The following CNTN3 variants were observed in gnomAD, a reference collection of about 807,000 sequenced individuals.
CNTN3 encodes contactin 3, also known as contactin-3.
Under a neutral mutation model 119.1 loss-of-function variants are expected in CNTN3, and 60 were observed. That is an observed-to-expected ratio of 0.50 (90% CI 0.41 to 0.62). CNTN3 has a LOEUF of 0.62. Among genes scored for constraint, CNTN3 ranks in the 20% least tolerant of loss-of-function variants. The probability of loss-of-function intolerance (pLI) is 0.00; values close to 1 mark genes in which losing one functional copy is unlikely to be tolerated. For synonymous variants in CNTN3, 450 were observed against 438.7 expected (o/e 1.03, Z -0.32); for missense variants, 1,101 against 1,242.4 (o/e 0.89, Z 1.71).
intron 20 of CNTN3, among the ~76,000 whole-genome samples, chr3:74,276,562 G>A (rs1701884096): frequency 6.6e-6 from 1 of 150,734 alleles, no homozygotes; most frequent in African/African-American, 2.5e-5. Context: ...AATCAAGATG[G>A]AAATTAAAGA....
intron 2 of CNTN3, among the ~76,000 whole-genome samples, chr3:74,509,762 G>A (rs1436247175): frequency 6.6e-6 from 1 of 152,060 alleles, no homozygotes; most frequent in Non-Finnish European, 1.5e-5. Flanking sequence ...ATTGTGTAAG[G>A]AAGTCTGAGG....
At chr3:74,287,444 T>C (rs1214378895) in intron 19 of CNTN3, among the ~76,000 whole-genome samples, 2 of 152,192 alleles carry the variant, frequency 1.3e-5, no homozygotes, top group African/African-American at 4.8e-5. Flanking sequence ...TGTTCAGCCA[T>C]TAAAGAATAG....
intron 5 of CNTN3, among the ~76,000 whole-genome samples, chr3:74,394,918 T>C (rs1302192451): frequency 6.6e-6 from 1 of 152,182 alleles, no homozygotes; most frequent in Non-Finnish European, 1.5e-5. Flanking sequence ...TCTGTAAATA[T>C]GACTCTTTTA....
At chr3:74,453,206 T>C (rs529043219) in intron 4 of CNTN3, among the ~76,000 whole-genome samples, 2 of 151,382 alleles carry the variant, frequency 1.3e-5, no homozygotes, top group Non-Finnish European at 2.9e-5. Flanking sequence ...CTGTTATTGG[T>C]CTATTCAGAG....
rs530222931 is a variant in CNTN3 at position 74,527,167 on chromosome 3, G to T, written c.-80-5975C>A. 2.0e-5 allele frequency among the ~76,000 whole-genome samples: 3 copies of T among 151,876 alleles called. No homozygotes were observed. In the East Asian group the frequency reaches 5.8e-4, roughly 30 times the overall value. On this transcript the variant is annotated intron_variant, in intron 1 of 22. Transcript: ENST00000263665. The stretch of plus-strand genomic sequence containing the variant: ...AAATTAATGAAAATTTTATGAAAAT[G>T]GAAATAAATCTAAACTATACAAATT...
chr3:74,583,829 C>T lies in CNTN3; in HGVS notation c.-81+30562G>A, dbSNP rs116468717. On this transcript the variant is annotated intron_variant, in intron 1 of 22. Coordinates refer to ENST00000263665, the MANE Select transcript of CNTN3 (RefSeq NM_020872.3). ...TTTTCCTGCTTGTTTTCCATTTTTCCCCCTCATTTAGGGTGCACTAAGAGA... is the reference window on the plus strand; with the variant it reads ...TTTTCCTGCTTGTTTTCCATTTTTCTCCCTCATTTAGGGTGCACTAAGAGA... 1.8e-3 allele frequency among the ~76,000 whole-genome samples: 270 copies of T among 152,002 alleles called. 3 individuals carry two copies. Among genetic ancestry groups the T allele is most frequent in the African/African-American group, 6.2e-3 (255 of 41,444 alleles).
intron 11 of CNTN3, among the ~76,000 whole-genome samples, chr3:74,351,106 GATAA>G (rs912321557): frequency 1.3e-5 from 2 of 152,102 alleles, no homozygotes; most frequent in Admixed American, 6.6e-5. Flanking sequence ...GACATAAGTA[GATAA>G]ATAAATACAT....
At chr3:74,357,420 A>G (rs993205678) in intron 11 of CNTN3, among the ~76,000 whole-genome samples, 1 of 152,018 alleles carries the variant, frequency 6.6e-6, no homozygotes, top group Non-Finnish European at 1.5e-5. Context: ...AGTAGCTGGG[A>G]TTACAGTCAT....
At chr3:74,438,115 TG>T (rs1028066276) in intron 4 of CNTN3, among the ~76,000 whole-genome samples, 1 of 152,202 alleles carries the variant, frequency 6.6e-6, no homozygotes, top group Non-Finnish European at 1.5e-5. Context: ...GACATTATTC[TG>T]AATATGGGAA....
chr3:74,545,610 G>A (rs1171971683), intron 1 of CNTN3, among the ~76,000 whole-genome samples: 14 of 152,096 alleles, frequency 9.2e-5, no homozygotes, highest in Non-Finnish European at 1.3e-4. Flanking sequence ...AAAGTAATTC[G>A]TTTAAATAGT....
At position 74,369,239 on chromosome 3, in the gene CNTN3, G is replaced by C. The variant is rs753520829; in HGVS notation, c.896C>G (p.Ala299Gly). ...QEDAGSYECI[A>G]ENSRGKNVAR... The stretch of plus-strand genomic sequence containing the variant: ...AACATTTTTTCCTCGTGAATTCTCA[G>C]CAATGCATTCATAGGAACCTGCATC... Residue 299 changes from alanine to glycine, a missense_variant, in exon 8 of 23, where the codon GCT becomes GGT. Transcript: ENST00000263665. The C allele has an allele frequency of 7.5e-6, 12 of 1,610,664 alleles. No individual in the cohort carries two copies. The Admixed American group carries it at 1.2e-4, about 16-fold the overall frequency.
In CNTN3 at chr3:74,298,188, C is replaced by G. The variant is rs1291196687; in HGVS notation, c.2170G>C (p.Val724Leu). The change falls in exon 18 of 23, where the codon GTC becomes CTC. Residue 724 changes from valine (V) to leucine (L), a missense_variant. By Grantham distance (32) the Val-to-Leu change is conservative. Coordinates refer to ENST00000263665, the MANE Select transcript of CNTN3 (RefSeq NM_020872.3). ...TCACCATTCTGTAGTTCTTCAGGGA[C>G]TGGCTATAAAGGAAAGACATACTGA... ...RSELVITWDP[V>L]PEELQNGEGF... 30 of 1,573,726 alleles carry G rather than the reference C, an allele frequency of 1.9e-5. No individual in the cohort carries two copies. The highest frequency in any genetic ancestry group is 1.1e-5 in the Non-Finnish European group (13 of 1,157,990).
At chr3:74,538,996 AT>A (rs1027240168) in intron 1 of CNTN3, among the ~76,000 whole-genome samples, 5 of 152,062 alleles carry the variant, frequency 3.3e-5, no homozygotes, top group African/African-American at 1.2e-4. Flanking sequence ...TTAAAAAAAA[AT>A]ACTTCAGTTG....
chr3:74,322,530 A>G (rs1703021068), intron 13 of CNTN3, among the ~76,000 whole-genome samples: 2 of 152,194 alleles, frequency 1.3e-5, no homozygotes. Flanking sequence ...AGGAACTCTC[A>G]TTTATCACTG....
rs1703347185 is a variant in CNTN3 at position 74,334,776 on chromosome 3, C to A, written c.1627G>T (p.Asp543Tyr). Residue 543 changes from aspartate to tyrosine, a missense_variant, in exon 13 of 23, where the codon GAT (aspartate) becomes TAT (tyrosine). Asp to Tyr is a radical substitution (Grantham distance 160). Coordinates refer to ENST00000263665, the MANE Select transcript of CNTN3 (RefSeq NM_020872.3). The stretch of plus-strand genomic sequence containing the variant: ...AAGTGAGATCCATCTTTCTTAAAAT[C>A]TGCAAGGGCCCCATTGAAATACCAG... Reference protein sequence around the residue: ...FTWYFNGALADFKKDGSHFEK... With the variant: ...FTWYFNGALAYFKKDGSHFEK... The A allele has an allele frequency of 2.5e-6, 4 of 1,613,536 alleles. No individual in the cohort carries two copies. The highest frequency in any genetic ancestry group is 3.4e-6 in the Non-Finnish European group (4 of 1,179,646).
chr3:74,332,547 A>G (rs1323188261), intron 13 of CNTN3, among the ~76,000 whole-genome samples: 3 of 152,164 alleles, frequency 2.0e-5, no homozygotes, highest in Admixed American at 6.5e-5. Flanking sequence ...TACATTATAA[A>G]CTCGAATGTT....
chr3:74,447,852 T>C (rs967735759), intron 4 of CNTN3, among the ~76,000 whole-genome samples: 6 of 152,128 alleles, frequency 3.9e-5, no homozygotes, highest in African/African-American at 1.2e-4. Flanking sequence ...TGTAAAAACA[T>C]GAACCATTTT....
chr3:74,375,387 C>A (rs1704453616), intron 5 of CNTN3, among the ~76,000 whole-genome samples: 1 of 151,990 alleles, frequency 6.6e-6, no homozygotes, highest in South Asian at 2.1e-4. Flanking sequence ...AGAGTCTGGG[C>A]CTAATATTGG....
At chr3:74,538,252 T>C (rs1703793432) in intron 1 of CNTN3, among the ~76,000 whole-genome samples, 1 of 152,162 alleles carries the variant, frequency 6.6e-6, no homozygotes, top group Non-Finnish European at 1.5e-5. Context: ...TTGAAAGGAT[T>C]TTGTGCAGAT....
Sources: allele counts gnomAD v4.1 joint callset (sites outside exome capture counted in the v4.1 genomes callset), GRCh38; gene constraint gnomAD v4.1.1; transcripts MANE v1.5; gene names NCBI Gene and HGNC (gene_info 2026-07-23, HGNC 2026-07-21).